SCNN1B: variants seen among roughly 807,000 people sequenced by gnomAD.
The protein encoded by SCNN1B is epithelial sodium channel subunit beta.
A neutral mutation model predicts 65.3 loss-of-function variants in SCNN1B; 46 were observed. The observed-to-expected ratio is 0.70, with a 90% CI of 0.56 to 0.90. The LOEUF (loss-of-function observed/expected upper bound fraction) is 0.90. Among genes scored for constraint, SCNN1B ranks in the 40% least tolerant of loss-of-function variants. The pLI is 0.00. For synonymous variants in SCNN1B, 349 were observed against 330.6 expected, an observed-to-expected ratio of 1.06 and a Z score of -0.60; for missense variants, 751 against 830.5, an observed-to-expected ratio of 0.90 and a Z score of 1.18.
intron 3 of SCNN1B, among the ~76,000 whole-genome samples, chr16:23,354,312 T>G (rs1318114632): frequency 1.3e-5 from 2 of 152,226 alleles, no homozygotes; most frequent in African/African-American, 2.4e-5. Flanking sequence ...GGGCTGCCAT[T>G]ACTTCCCCAA....
rs776763092 is a variant in SCNN1B, at chr16:23,367,836, G to A, written c.777-20G>A. ...TGCCTGTGGTGGAACCTGCCCTGCA[G>A]CTGATGCTGTTTCTTTTAGGAACTT... On this transcript the variant is annotated intron_variant, in intron 4 of 12. Transcript: ENST00000343070. 1 of 1,590,660 alleles carries A rather than the reference G, an allele frequency of 6.3e-7. No individual in the cohort carries two copies. The highest frequency in any genetic ancestry group is 8.6e-7 in the Non-Finnish European group (1 of 1,158,654).
At chr16:23,372,683 C>T (rs1452548056) in intron 7 of SCNN1B, among the ~76,000 whole-genome samples, 1 of 151,460 alleles carries the variant, frequency 6.6e-6, no homozygotes, top group South Asian at 2.1e-4. Context: ...TTAGTAGAGA[C>T]GGGGTTTCAC....
intron 1 of SCNN1B, among the ~76,000 whole-genome samples, chr16:23,327,137 A>T (rs756108528): frequency 6.6e-6 from 1 of 152,106 alleles, no homozygotes; most frequent in Non-Finnish European, 1.5e-5. Context: ...GGATGGTCTC[A>T]AACTCCTGGC....
intron 4 of SCNN1B, chr16:23,358,274 T>C (rs1962461302): frequency 6.6e-6 from 1 of 152,228 alleles, no homozygotes; most frequent in African/African-American, 2.4e-5. Context: ...GGAAAATAGC[T>C]GGCTGATGGG....
chr16:23,300,992 A>G (rs1477446466), upstream of SCNN1B, among the ~76,000 whole-genome samples: 1 of 100,600 alleles, frequency 9.9e-6, no homozygotes, highest in Admixed American at 8.8e-5. Context: ...TGTTAAAAAC[A>G]CGTGTGTGTG....
chr16:23,315,978 TCACCATCATCGCCATCATCATCATCAC>T (rs1336414327), intron 1 of SCNN1B, among the ~76,000 whole-genome samples: 3 of 149,672 alleles, frequency 2.0e-5, no homozygotes, highest in Non-Finnish European at 4.4e-5. Flanking sequence ...ATCACCATCC[TCACCATCATCGCCATCATCATCATCAC>T]CACCATCATC....
chr16:23,369,109 T>C (rs250561), intron 5 of SCNN1B, among the ~76,000 whole-genome samples: 52,371 of 152,094 alleles, frequency 0.34, 9,867 homozygotes, highest in African/African-American at 0.51. Flanking sequence ...GTGTACAGTT[T>C]GTTTGTTTGT....
At chr16:23,366,602 C>T (rs1596878418) in intron 4 of SCNN1B, among the ~76,000 whole-genome samples, 1 of 152,024 alleles carries the variant, frequency 6.6e-6, no homozygotes, top group Non-Finnish European at 1.5e-5. Flanking sequence ...GGTGTGGTGG[C>T]GGGTGCCTGT....
At chr16:23,328,644 C>G (rs1217002387) in intron 1 of SCNN1B, among the ~76,000 whole-genome samples, 3 of 152,206 alleles carry the variant, frequency 2.0e-5, no homozygotes, top group Non-Finnish European at 4.4e-5. Flanking sequence ...AGCACAGATG[C>G]AACATCTGAG....
At chr16:23,308,881 G>A (rs1482303777) in intron 1 of SCNN1B, among the ~76,000 whole-genome samples, 2 of 152,142 alleles carry the variant, frequency 1.3e-5, no homozygotes. Flanking sequence ...GGGATTACAG[G>A]TGTAAATCAC....
intron 4 of SCNN1B, among the ~76,000 whole-genome samples, chr16:23,364,423 A>G (rs772350676): frequency 9.2e-5 from 14 of 152,188 alleles, no homozygotes; most frequent in Non-Finnish European, 1.8e-4. Flanking sequence ...GGAAACATCT[A>G]GAGTGTCGCT....
At chr16:23,366,708 T>C (rs986607526) in intron 4 of SCNN1B, among the ~76,000 whole-genome samples, 5 of 151,718 alleles carry the variant, frequency 3.3e-5, no homozygotes, top group Non-Finnish European at 7.4e-5. Flanking sequence ...CTGAGCAACA[T>C]AGTGAGACTC....
At chr16:23,294,864 G>A (rs560605613) in intron 2 of SCNN1B, among the ~76,000 whole-genome samples, 5 of 151,848 alleles carry the variant, frequency 3.3e-5, no homozygotes, top group South Asian at 2.1e-4. Flanking sequence ...ATGGTGGCGC[G>A]CGCCTGGAAT....
upstream of SCNN1B, among the ~76,000 whole-genome samples, chr16:23,301,425 GAGAGAAAGAAAGGAA>G (rs1318986500): frequency 2.0e-5 from 3 of 149,142 alleles, no homozygotes; most frequent in East Asian, 1.9e-4. Flanking sequence ...GAGAGAGAGA[GAGAGAAAGAAAGGAA>G]AGAGAAAGAA....
At position 23,368,456 on chromosome 16, in the gene SCNN1B, C is replaced by T. The variant is rs892184443; in HGVS notation, c.880+497C>T. ...ACTCAGGAGGCTGAGGCAGGAAGAT[C>T]GCTTGAGCTGGGAAGGTCAAGGCAG... is the stretch of plus-strand genomic sequence containing the variant. On this transcript the variant is annotated intron_variant, in intron 5 of 12. Transcript: ENST00000343070. Among the ~76,000 whole-genome samples the T allele has an allele frequency of 1.7e-4, 26 of 152,204 alleles. 1 individual carries two copies. The highest frequency in any genetic ancestry group is 6.3e-4 in the African/African-American group (26 of 41,544).
intron 4 of SCNN1B, among the ~76,000 whole-genome samples, chr16:23,365,812 G>A (rs1962657532): frequency 6.6e-6 from 1 of 152,164 alleles, no homozygotes; most frequent in South Asian, 2.1e-4. Flanking sequence ...GCACCGTTGA[G>A]GAAACCCAAG....
intron 3 of SCNN1B, among the ~76,000 whole-genome samples, chr16:23,354,822 G>A (rs181145144): frequency 1.3e-5 from 2 of 152,294 alleles, no homozygotes; most frequent in Admixed American, 1.3e-4. Context: ...GGCTGTGGAG[G>A]TCAGAGAGAG....
chr16:23,355,002 G>A (rs900431390), intron 3 of SCNN1B, among the ~76,000 whole-genome samples: 1 of 152,166 alleles, frequency 6.6e-6, no homozygotes, highest in African/African-American at 2.4e-5. Flanking sequence ...CACTGGCTGT[G>A]GGTCACTTCC....
intron 11 of SCNN1B, among the ~76,000 whole-genome samples, chr16:23,379,815 C>T (rs1412023026): frequency 6.6e-6 from 1 of 152,154 alleles, no homozygotes; most frequent in Non-Finnish European, 1.5e-5. Flanking sequence ...GGCAGAGATG[C>T]CCAGAAGGGC....
Sources: allele counts gnomAD v4.1 joint callset (sites outside exome capture counted in the v4.1 genomes callset), GRCh38; gene constraint gnomAD v4.1.1; transcripts MANE v1.5; gene names NCBI Gene and HGNC (gene_info 2026-07-23, HGNC 2026-07-21).